Variants in HOMER2 observed in about 807,000 individuals in gnomAD.
HOMER2 encodes homer scaffold protein 2, also known as homer protein homolog 2.
In HOMER2, 27 loss-of-function variants were observed where a neutral mutation model predicts 47.0. The observed-to-expected ratio is 0.57, with a 90% CI of 0.42 to 0.79. The LOEUF (loss-of-function observed/expected upper bound fraction) is 0.79, where lower values mean the gene tolerates loss of function less well. Among genes scored for constraint, HOMER2 ranks in the 30% least tolerant of loss-of-function variants. HOMER2 has a pLI of 0.00. For synonymous variants in HOMER2, 161 were observed against 163.8 expected (o/e 0.98, Z 0.13); for missense variants, 443 against 435.0 (o/e 1.02, Z -0.16).
chr15:82,978,099 G>A lies in HOMER2; in HGVS notation n.82+7688C>T, dbSNP rs573152959. Reference sequence around the variant, plus strand: ...CGGGAGGCAGAGGTTATGGCGAGTCGAGATCGTGCCTCTGCACTCCAGCCT... The same window carrying A: ...CGGGAGGCAGAGGTTATGGCGAGTCAAGATCGTGCCTCTGCACTCCAGCCT... On this transcript the variant is annotated intron_variant and non_coding_transcript_variant, in intron 1 of 1. Transcript: ENST00000500334. Among the ~76,000 whole-genome samples the A allele has an allele frequency of 1.9e-4, 29 of 152,260 alleles. 1 individual carries two copies. The South Asian group carries it at 4.4e-3, about 23-fold the overall frequency.
chr15:82,938,675 C>A (rs1052108168), intron 1 of HOMER2, among the ~76,000 whole-genome samples: 1 of 152,194 alleles, frequency 6.6e-6, no homozygotes, highest in African/African-American at 2.4e-5. Context: ...ACTTCTCCAC[C>A]CGCTCCTCAC....
chr15:82,852,418 T>A (rs2051426159), intron 6 of HOMER2, 166 bp from the exon 7 acceptor site: 2 of 581,534 alleles, frequency 3.4e-6, no homozygotes, highest in East Asian at 3.0e-5. Context: ...AGCTCCATCA[T>A]GGGGCTGCCT....
Position 82,963,413 on chromosome 15 carries a change from G to A in HOMER2, n.83-4105C>T, listed in dbSNP as rs188208699. Among the ~76,000 whole-genome samples the A allele has an allele frequency of 8.3e-4, 127 of 152,108 alleles. 1 individual carries two copies. Among genetic ancestry groups the A allele is most frequent in the Non-Finnish European group, 1.3e-3 (91 of 67,982 alleles). On this transcript the variant is annotated intron_variant and non_coding_transcript_variant, in intron 1 of 1. Coordinates refer to the HOMER2 transcript ENST00000500334. ...TCTGCCATCTCTTCTGAAATGACAT[G>A]GACCCTTGTGGAGTCCCCAGTCAGG... is the stretch of plus-strand genomic sequence containing the variant.
chr15:82,901,247 G>C (rs573734718), intron 1 of HOMER2, among the ~76,000 whole-genome samples: 1 of 152,190 alleles, frequency 6.6e-6, no homozygotes, highest in Non-Finnish European at 1.5e-5. Context: ...AGCCAGGAGG[G>C]AGACAGGCAG....
upstream of HOMER2, among the ~76,000 whole-genome samples, chr15:82,955,289 C>T (rs2054577495): frequency 1.3e-5 from 2 of 151,966 alleles, no homozygotes; most frequent in South Asian, 4.2e-4. Context: ...CCTGCCTCAG[C>T]CTCCCGAGTA....
chr15:82,889,413 A>G (rs1443998390), intron 2 of HOMER2, among the ~76,000 whole-genome samples: 2 of 152,220 alleles, frequency 1.3e-5, no homozygotes, highest in African/African-American at 4.8e-5. Flanking sequence ...TGGAACCAGA[A>G]TAGATGCTCA....
chr15:82,962,271 A>G (rs1429326671), intron 1 of HOMER2, among the ~76,000 whole-genome samples: 2 of 151,004 alleles, frequency 1.3e-5, no homozygotes. Context: ...AGGCTGAGGC[A>G]GGAGAATGGC....
chr15:82,849,746 C>A lies in HOMER2; in HGVS notation c.1001G>T (p.Arg334Leu). Residue 334 changes from arginine to leucine, a missense_variant, in exon 9 of 9, where the codon CGA becomes CTA. By Grantham distance (102) the Arg-to-Leu change is moderately radical (BLOSUM62 -2). Transcript: ENST00000450735. ...GKIDDLHDFRRGLSKLGTDN is the reference protein window; with the variant it reads ...GKIDDLHDFRLGLSKLGTDN ...ATCGGTGCCCAGCTTGGAGAGCCCT[C>A]GGCGGAAGTCATGCAGGTCGTCAAT... is the stretch of plus-strand genomic sequence containing the variant. The A allele has an allele frequency of 6.2e-7, 1 of 1,613,774 alleles. No individual in the cohort carries two copies. The highest frequency in any genetic ancestry group is 8.5e-7 in the Non-Finnish European group (1 of 1,179,810).
chr15:82,858,234 T>A (rs2051650930), intron 5 of HOMER2, among the ~76,000 whole-genome samples: 1 of 152,212 alleles, frequency 6.6e-6, no homozygotes, highest in Non-Finnish European at 1.5e-5. Context: ...TTTGTGTGAT[T>A]TCATATTTTA....
At chr15:82,928,102 C>G (rs912956273) in intron 1 of HOMER2, among the ~76,000 whole-genome samples, 8 of 152,008 alleles carry the variant, frequency 5.3e-5, no homozygotes, top group African/African-American at 1.9e-4. Flanking sequence ...ATAGTATTGG[C>G]AGTGGTTTCT....
chr15:82,848,718 C>A (rs1260547555), downstream of HOMER2, among the ~76,000 whole-genome samples: 1 of 152,200 alleles, frequency 6.6e-6, no homozygotes, highest in Non-Finnish European at 1.5e-5. Flanking sequence ...CCCTGGGTCA[C>A]CATTCCTAGG....
intron 4 of HOMER2, among the ~76,000 whole-genome samples, chr15:82,861,180 T>TA (rs2051778692): frequency 6.6e-6 from 1 of 152,176 alleles, no homozygotes; most frequent in African/African-American, 2.4e-5. Flanking sequence ...TCACAAGCTT[T>TA]AAGAACATCC....
At chr15:82,964,141 T>C (rs2054653209) in intron 1 of HOMER2, among the ~76,000 whole-genome samples, 1 of 152,244 alleles carries the variant, frequency 6.6e-6, no homozygotes, top group Admixed American at 6.5e-5. Flanking sequence ...CTGAGATCAG[T>C]GTTTACAGAG....
intron 2 of HOMER2, among the ~76,000 whole-genome samples, chr15:82,890,335 C>G (rs1451046207): frequency 1.3e-5 from 2 of 152,120 alleles, no homozygotes; most frequent in East Asian, 3.9e-4. Flanking sequence ...AAGTGAGACC[C>G]TGTCTCAAAA....
chr15:82,964,856 A>T (rs147023092), intron 1 of HOMER2, among the ~76,000 whole-genome samples: 1 of 152,326 alleles, frequency 6.6e-6, no homozygotes, highest in African/African-American at 2.4e-5. Flanking sequence ...CAGTGTTTCC[A>T]TGGGAAGTCA....
chr15:82,874,588 T>C (rs1268811452), intron 3 of HOMER2, among the ~76,000 whole-genome samples: 1 of 152,144 alleles, frequency 6.6e-6, no homozygotes, highest in South Asian at 2.1e-4. Flanking sequence ...CCCAGGGCCC[T>C]TGGAGAAGTG....
In HOMER2 at chr15:82,962,090, G is replaced by A. The variant is rs114364741; in HGVS notation, n.83-2782C>T. 7.1e-3 allele frequency among the ~76,000 whole-genome samples: 1,079 copies of A among 151,792 alleles called. 14 individuals are homozygous for A. Among genetic ancestry groups the A allele is most frequent in the African/African-American group, 0.025 (1,040 of 41,476 alleles). On this transcript the variant is annotated intron_variant and non_coding_transcript_variant, in intron 1 of 1. Coordinates refer to the HOMER2 transcript ENST00000500334. ...ACACAAACTTTTAAAAAATGTCCAG[G>A]CCGGGTGCGGTGACTCACACCCGTA...
intron 1 of HOMER2, among the ~76,000 whole-genome samples, chr15:82,903,642 A>G (rs1047917453): frequency 1.3e-5 from 2 of 151,778 alleles, no homozygotes; most frequent in African/African-American, 4.8e-5. Flanking sequence ...ACACGGCAAC[A>G]AGAGCGAAAC....
At chr15:82,914,145 G>A (rs1252682668) in intron 1 of HOMER2, among the ~76,000 whole-genome samples, 1 of 149,032 alleles carries the variant, frequency 6.7e-6, no homozygotes, top group African/African-American at 2.5e-5. Flanking sequence ...GACCATCCTG[G>A]CTAACACGGT....
Sources: allele counts gnomAD v4.1 joint callset (sites outside exome capture counted in the v4.1 genomes callset), GRCh38; gene constraint gnomAD v4.1.1; transcripts MANE v1.5; gene names NCBI Gene and HGNC (gene_info 2026-07-23, HGNC 2026-07-21).